SLA: variants seen among roughly 807,000 people sequenced by gnomAD.
SLA encodes the protein src-like-adapter.
In SLA, 16 loss-of-function variants were observed where a neutral mutation model predicts 30.3. The observed-to-expected ratio is 0.53, with a 90% CI of 0.36 to 0.80. The LOEUF (loss-of-function observed/expected upper bound fraction) is 0.80, where lower values mean the gene tolerates loss of function less well. SLA is among the 30% of genes least tolerant of loss of function. SLA has a pLI of 0.01. For missense variants in SLA, 310 were observed against 345.2 expected (o/e 0.90, Z 0.81); for synonymous variants, 143 against 137.8 (o/e 1.04, Z -0.26).
In SLA at chr8:133,037,548, T is replaced by A. The variant is rs1669200620; in HGVS notation, c.*976A>T. ...CTGTCTCTAATTCCATCCTAAGCCA[T>A]GAGCTGATTTCTCTTTTTACACATT... On this transcript the variant is annotated 3_prime_UTR_variant, in exon 9 of 9. Transcript: ENST00000338087. The A allele has an allele frequency of 6.6e-6, 1 of 152,198 alleles. No homozygotes were observed. The highest frequency in any genetic ancestry group is 2.4e-5 in the African/African-American group (1 of 41,438). The allele number at this position is 152,198 out of a possible 1,614,324, so 9.4% of individuals were successfully genotyped here. A position where few individuals can be genotyped will look rare whatever the true frequency, so the allele number is the denominator to read the frequency against.
In SLA at chr8:133,038,127, C is replaced by T. The variant is rs990706428; in HGVS notation, c.*397G>A. 6 of 189,886 alleles carry T rather than the reference C, an allele frequency of 3.2e-5. No homozygotes were observed. The highest frequency in any genetic ancestry group is 1.4e-4 in the African/African-American group (6 of 42,202). 11.8% of individuals were successfully genotyped at this position (189,886 alleles called of 1,614,324 possible). ...TGTTTCCTCTCCCTCTCAGGCTTGC[C>T]CATACAGAAGTTCTCTCCAATGACC... On this transcript the variant is annotated 3_prime_UTR_variant, in exon 9 of 9. Transcript: ENST00000338087.
intron 1 of SLA, chr8:133,094,856 A>G (rs1848170168): frequency 2.0e-5 from 15 of 742,530 alleles, no homozygotes; most frequent in South Asian, 2.0e-4. Context: ...CATCTTCAGT[A>G]TCACACTGCA....
chr8:133,045,420 G>C (rs1328902448), intron 6 of SLA, among the ~76,000 whole-genome samples: 1 of 132,126 alleles, frequency 7.6e-6, no homozygotes, highest in South Asian at 2.5e-4. Context: ...TTTGAGTCTG[G>C]GTCTTGCTCT....
intron 5 of SLA, 39 bp from the exon 6 acceptor site, chr8:133,047,972 G>C: frequency 7.6e-7 from 1 of 1,317,694 alleles, no homozygotes. Flanking sequence ...TCCGGAACAA[G>C]CCCTCCCCCA....
intron 1 of SLA, among the ~76,000 whole-genome samples, chr8:133,091,484 T>C (rs1847521026): frequency 6.6e-6 from 1 of 152,174 alleles, no homozygotes; most frequent in Non-Finnish European, 1.5e-5. Context: ...GTTGCTTTGC[T>C]TCTTGGAGCT....
chr8:133,095,345 CATTCCCT>C, intron 1 of SLA: 1 of 1,207,300 alleles, frequency 8.3e-7, no homozygotes, highest in Non-Finnish European at 1.2e-6. Flanking sequence ...CTGGAACTCA[CATTCCCT>C]AGCCCCTAGA....
At chr8:133,088,201 G>A (rs1277076373) in intron 1 of SLA, among the ~76,000 whole-genome samples, 1 of 152,130 alleles carries the variant, frequency 6.6e-6, no homozygotes, top group Admixed American at 6.5e-5. Context: ...ACATAACATG[G>A]TGTGTTTTTG....
At position 133,047,420 on chromosome 8, in the gene SLA, G is replaced by A. The variant is rs148049404; in HGVS notation, c.352+410C>T. ...CACCACACCCTTACAAGGGAGAGGT[G>A]TTCTCTCCATTTCACAGATGAGAAA... On this transcript the variant is annotated intron_variant, in intron 6 of 8. Coordinates refer to ENST00000338087, the MANE Select transcript of SLA (RefSeq NM_001045556.3). The A allele has an allele frequency of 8.4e-4, 165 of 195,708 alleles. 1 individual carries two copies. The highest frequency in any genetic ancestry group is 3.6e-3 in the African/African-American group (151 of 42,374). The allele number at this position is 195,708 out of a possible 1,614,324, so 12.1% of individuals were successfully genotyped here. A position where few individuals can be genotyped will look rare whatever the true frequency, so the allele number is the denominator to read the frequency against.
intron 3 of SLA, among the ~76,000 whole-genome samples, chr8:133,057,920 C>T (rs1841754668): frequency 6.6e-6 from 1 of 152,162 alleles, no homozygotes; most frequent in Non-Finnish European, 1.5e-5. Flanking sequence ...GATCCTTGTG[C>T]ACGGCCAGGG....
chr8:133,079,763 A>T (rs1225230855), intron 1 of SLA, among the ~76,000 whole-genome samples: 1 of 152,190 alleles, frequency 6.6e-6, no homozygotes, highest in Non-Finnish European at 1.5e-5. Context: ...CTTTCTATCG[A>T]TGGAGAAAAC....
At chr8:133,040,567 G>T (rs1472780212) in intron 7 of SLA, among the ~76,000 whole-genome samples, 1 of 152,180 alleles carries the variant, frequency 6.6e-6, no homozygotes. Context: ...CAGGGTGTGA[G>T]AATGGGGCTG....
intron 2 of SLA, among the ~76,000 whole-genome samples, chr8:133,071,038 CT>C (rs1331331729): frequency 6.6e-6 from 1 of 152,226 alleles, no homozygotes; most frequent in African/African-American, 2.4e-5. Flanking sequence ...TCACTTTCCT[CT>C]TTTGGTGTCA....
intron 3 of SLA, among the ~76,000 whole-genome samples, chr8:133,059,598 G>A (rs576547967): frequency 1.0e-3 from 152 of 152,108 alleles, no homozygotes; most frequent in African/African-American, 3.5e-3. Context: ...TGGGACATAA[G>A]GTTTCCTTTG....
Position 133,036,967 on chromosome 8 carries a change from T to A in SLA, c.*1557A>T, listed in dbSNP as rs1161071259. The A allele has an allele frequency of 1.3e-5, 2 of 152,338 alleles. No individual in the cohort carries two copies. Among genetic ancestry groups the A allele is most frequent in the Non-Finnish European group, 2.9e-5 (2 of 68,038 alleles). The allele number at this position is 152,338 out of a possible 1,614,324, so 9.4% of individuals were successfully genotyped here. On this transcript the variant is annotated 3_prime_UTR_variant, in exon 9 of 9. Transcript: ENST00000338087. ...TTACATTCATTTCTCATACGTTGGC[T>A]GGTTCCTTTGAAATAGCCTTTTGGA... is the stretch of plus-strand genomic sequence containing the variant.
chr8:133,049,943 C>T lies in SLA; in HGVS notation c.207G>A (p.Glu69=). 6.2e-7 allele frequency: 1 copy of T among 1,613,848 alleles called. No homozygotes were observed. Among genetic ancestry groups the T allele is most frequent in the Non-Finnish European group, 8.5e-7 (1 of 1,179,706 alleles). The change falls in exon 5 of 9, where the codon GAG becomes GAA. Residue 69 remains glutamate (E), a synonymous_variant. Transcript: ENST00000338087. ...WKAISLSTGR[E]SYIPGICVAR... ...CCACACATATTCCAGGGATGTAACTCTCTCGACCAGTGCTAAGAGAAATAG... is the reference window on the plus strand; with the variant it reads ...CCACACATATTCCAGGGATGTAACTTTCTCGACCAGTGCTAAGAGAAATAG...
chr8:133,096,579 T>C (rs1848447358), intron 1 of SLA, among the ~76,000 whole-genome samples: 1 of 152,158 alleles, frequency 6.6e-6, no homozygotes, highest in African/African-American at 2.4e-5. Flanking sequence ...ATCCACAAAT[T>C]ACAGCTGTGA....
intron 7 of SLA, among the ~76,000 whole-genome samples, chr8:133,041,274 C>T (rs879306788): frequency 1.3e-5 from 2 of 152,204 alleles, no homozygotes; most frequent in African/African-American, 2.4e-5. Flanking sequence ...CACTTCCCAT[C>T]GGGTTTATGG....
chr8:133,073,658 C>T (rs1382052287), intron 2 of SLA, among the ~76,000 whole-genome samples: 1 of 152,200 alleles, frequency 6.6e-6, no homozygotes, highest in African/African-American at 2.4e-5. Flanking sequence ...TGCAGCTCAG[C>T]ATCTCATAGC....
At chr8:133,085,001 A>G (rs1211269549) in intron 1 of SLA, among the ~76,000 whole-genome samples, 1 of 152,250 alleles carries the variant, frequency 6.6e-6, no homozygotes, top group East Asian at 1.9e-4. Context: ...TCACTCTTTA[A>G]TAAAAGAGGC....
Sources: allele counts gnomAD v4.1 joint callset (sites outside exome capture counted in the v4.1 genomes callset), GRCh38; gene constraint gnomAD v4.1.1; transcripts MANE v1.5; gene names NCBI Gene and HGNC (gene_info 2026-07-23, HGNC 2026-07-21).